KIF1B: variants seen among roughly 807,000 people sequenced by gnomAD.
KIF1B encodes kinesin family member 1B.
Under a neutral mutation model 241.9 loss-of-function variants are expected in KIF1B, and 76 were observed. The observed-to-expected ratio is 0.31, with a 90% CI of 0.26 to 0.38. The LOEUF (loss-of-function observed/expected upper bound fraction) is 0.38, where lower values mean the gene tolerates loss of function less well. Among genes scored for constraint, KIF1B ranks in the 10% least tolerant of loss-of-function variants. The pLI is 1.00. For synonymous variants in KIF1B, 750 were observed against 796.7 expected (o/e 0.94, Z 0.99); for missense variants, 1,622 against 2,271.4 (o/e 0.71, Z 5.81).
rs1374014331 is a variant in KIF1B at position 10,277,932 on chromosome 1, T to C, written c.1038-54T>C. The C allele has an allele frequency of 1.2e-5, 18 of 1,502,722 alleles. No homozygotes were observed. The Admixed American group carries it at 3.1e-4, about 26-fold the overall frequency. The allele number at this position is 1,502,722 out of a possible 1,614,324, so 93.1% of individuals were successfully genotyped here. On this transcript the variant is annotated intron_variant, in intron 12 of 48. Transcript: ENST00000676179. Reference sequence around the variant, plus strand: ...TTTAGAGATAATAGTATGTTACTTATGAGAAGTAGAACATATGAGAAATGA... The same window carrying C: ...TTTAGAGATAATAGTATGTTACTTACGAGAAGTAGAACATATGAGAAATGA...
chr1:10,236,187 G>A (rs1196227332), intron 2 of KIF1B, among the ~76,000 whole-genome samples: 1 of 151,582 alleles, frequency 6.6e-6, no homozygotes, highest in African/African-American at 2.4e-5. Context: ...CAGAAGAATC[G>A]CTTAAACCCT....
At chr1:10,291,616 G>T (rs1477533877) in intron 16 of KIF1B, among the ~76,000 whole-genome samples, 2 of 151,898 alleles carry the variant, frequency 1.3e-5, no homozygotes, top group Non-Finnish European at 2.9e-5. Flanking sequence ...GGAGGCTGAG[G>T]CAGGAGAATG....
At chr1:10,269,834 A>G (rs1430726804) in intron 7 of KIF1B, among the ~76,000 whole-genome samples, 1 of 152,114 alleles carries the variant, frequency 6.6e-6, no homozygotes, top group Non-Finnish European at 1.5e-5. Context: ...ATATATATAT[A>G]TTTCTTATAT....
chr1:10,365,981 A>G lies in KIF1B; in HGVS notation c.4752+333A>G, dbSNP rs1285643901. ...CATGGTGGCTCACACCTGTAATCCCAGCACTTTGCAGGGCTGAGGCAGGTG... is the reference window on the plus strand; with the variant it reads ...CATGGTGGCTCACACCTGTAATCCCGGCACTTTGCAGGGCTGAGGCAGGTG... On this transcript the variant is annotated intron_variant, in intron 43 of 48. Coordinates refer to ENST00000676179, the MANE Select transcript of KIF1B (RefSeq NM_001365951.3). The surrounding 1 kb of genome is among the most constrained non-coding windows in gnomAD (Gnocchi z 4.0). 2.0e-5 allele frequency among the ~76,000 whole-genome samples: 3 copies of G among 152,222 alleles called. No homozygotes were observed. The highest frequency in any genetic ancestry group is 1.3e-4 in the Admixed American group (2 of 15,288).
At position 10,342,050 on chromosome 1, in the gene KIF1B, A is replaced by G; in HGVS notation, c.3514A>G (p.Ile1172Val). 6.4e-7 allele frequency: 1 copy of G among 1,573,666 alleles called. No homozygotes were observed. The highest frequency in any genetic ancestry group is 8.7e-7 in the Non-Finnish European group (1 of 1,143,324). Residue 1172 changes from isoleucine to valine, a missense_variant and splice_region_variant, in exon 33 of 49, where the codon ATT (isoleucine) becomes GTT (valine). Physicochemically the swap from Ile to Val is conservative, Grantham distance 29. Coordinates refer to ENST00000676179, the MANE Select transcript of KIF1B (RefSeq NM_001365951.3). ...SPLAFYHVQN[I>V]AVEITESFVD... The stretch of plus-strand genomic sequence containing the variant: ...TTTTCCTAATCTTGCTTGGCTTTAG[A>G]TTGCAGTGGAGATCACTGAATCATT...
At chr1:10,241,739 A>C (rs1647139178) in intron 2 of KIF1B, among the ~76,000 whole-genome samples, 1 of 152,128 alleles carries the variant, frequency 6.6e-6, no homozygotes, top group South Asian at 2.1e-4. Flanking sequence ...TCATAGGAGA[A>C]AGCAACCATG....
chr1:10,364,143 A>ATG (rs1469867359), intron 41 of KIF1B, among the ~76,000 whole-genome samples: 2 of 146,244 alleles, frequency 1.4e-5, no homozygotes, highest in African/African-American at 2.5e-5. Context: ...GAGTGTGTGT[A>ATG]TGTGTGTGTG....
chr1:10,246,514 G>C (rs897472896), intron 2 of KIF1B, among the ~76,000 whole-genome samples: 3 of 152,170 alleles, frequency 2.0e-5, no homozygotes, highest in African/African-American at 7.2e-5. Context: ...GGGAGGCCGA[G>C]GTGGGCGGAT....
At chr1:10,361,651 T>C (rs1638426365) in intron 39 of KIF1B, 41 bp from the exon 40 acceptor site, 2 of 1,611,456 alleles carry the variant, frequency 1.2e-6, no homozygotes, top group African/African-American at 2.7e-5. Flanking sequence ...GTCACAGTAC[T>C]CTGCCTGCAC....
chr1:10,314,808 G>A (rs1420226940), intron 22 of KIF1B, among the ~76,000 whole-genome samples: 1 of 151,614 alleles, frequency 6.6e-6, no homozygotes, highest in Non-Finnish European at 1.5e-5. Context: ...GTTAGGGAAG[G>A]TCATCCTCAT....
chr1:10,256,671 A>G (rs17400878), intron 3 of KIF1B, among the ~76,000 whole-genome samples: 14,169 of 150,578 alleles, frequency 0.094, 931 homozygotes, highest in South Asian at 0.18. Context: ...ATTATTGCCC[A>G]TTGATCTTAG....
intron 32 of KIF1B, 118 bp from the exon 33 acceptor site, chr1:10,341,932 A>AC (rs1470260183): frequency 6.2e-5 from 47 of 758,448 alleles, no homozygotes; most frequent in Non-Finnish European, 2.5e-5. Context: ...TTTGCGTGCT[A>AC]CAGAGCAAGA....
chr1:10,378,285 G>T lies in KIF1B; in HGVS notation c.*1698G>T. 1 of 717,338 alleles carries T rather than the reference G, an allele frequency of 1.4e-6. No individual in the cohort carries two copies. 44.4% of individuals were successfully genotyped at this position (717,338 alleles called of 1,614,324 possible). A position where few individuals can be genotyped will look rare whatever the true frequency, so the allele number is the denominator to read the frequency against. ...CCTCTCCATCTGGTGTGGAAACACTGCCCAGGGAGAAAGGAGGAAGCTCAC... is the reference window on the plus strand; with the variant it reads ...CCTCTCCATCTGGTGTGGAAACACTTCCCAGGGAGAAAGGAGGAAGCTCAC... On this transcript the variant is annotated 3_prime_UTR_variant, in exon 49 of 49. Transcript: ENST00000676179.
chr1:10,238,381 C>CAAA (rs755794359), intron 2 of KIF1B, among the ~76,000 whole-genome samples: 21,002 of 86,710 alleles, frequency 0.24, 2,264 homozygotes, highest in Non-Finnish European at 0.32. Flanking sequence ...AACTTTGTCT[C>CAAA]AAAAAAAAAA....
At chr1:10,269,832 A>G (rs891947557) in intron 7 of KIF1B, among the ~76,000 whole-genome samples, 1 of 152,130 alleles carries the variant, frequency 6.6e-6, no homozygotes, top group Admixed American at 6.5e-5. Context: ...AAATATATAT[A>G]TATTTCTTAT....
chr1:10,212,931 T>TATATAC (rs1384450222), intron 1 of KIF1B, among the ~76,000 whole-genome samples: 50 of 86,460 alleles, frequency 5.8e-4, no homozygotes, highest in East Asian at 1.1e-3. Flanking sequence ...TATATATATA[T>TATATAC]ACACACACAC....
At chr1:10,375,444 G>T in intron 48 of KIF1B, 71 bp downstream of exon 48, 2 of 1,317,626 alleles carry the variant, frequency 1.5e-6, no homozygotes, top group Non-Finnish European at 2.2e-6. Context: ...AAGTGCAGTG[G>T]CTTGGTCTTG....
At chr1:10,292,182 C>T (rs2102249567) in intron 17 of KIF1B, 60 bp downstream of exon 17, 2 of 1,297,196 alleles carry the variant, frequency 1.5e-6, no homozygotes, top group South Asian at 2.4e-5. Context: ...GTCTTTGTTA[C>T]TGGGGCACTT....
intron 48 of KIF1B, among the ~76,000 whole-genome samples, chr1:10,375,665 C>T (rs1172580555): frequency 6.7e-6 from 1 of 150,060 alleles, no homozygotes; most frequent in East Asian, 2.0e-4. Context: ...GATTACAGGC[C>T]TGAGCCACTG....
Sources: gnomAD v4.1 joint callset for allele counts (sites outside exome capture counted in the v4.1 genomes callset) on GRCh38, gnomAD v4.1.1 for gene constraint, Gnocchi (gnomAD v3.1) non-coding constraint, MANE v1.5 for transcripts, NCBI Gene and HGNC (gene_info 2026-07-23, HGNC 2026-07-21) for gene names.